The following VPS13A variants were observed in gnomAD, a reference collection of about 807,000 sequenced individuals.
VPS13A encodes vacuolar protein sorting 13 homolog A.
Under a neutral mutation model 390.9 loss-of-function variants are expected in VPS13A, and 264 were observed. That is an observed-to-expected ratio of 0.68 (90% confidence interval 0.61 to 0.75). The LOEUF (loss-of-function observed/expected upper bound fraction) is 0.75. Ranked by LOEUF, VPS13A falls within the 30% of genes least tolerant of loss-of-function variation. The pLI, the probability that VPS13A is intolerant of heterozygous loss-of-function variation, is 0.00. For missense variants in VPS13A, 3,409 were observed against 3,733.9 expected (o/e 0.91, Z 2.27); for synonymous variants, 1,231 against 1,227.1 (o/e 1.00, Z -0.07).
intron 25 of VPS13A, 30 bp downstream of exon 25, chr9:77,275,682 T>TA (rs747792582): frequency 6.2e-7 from 1 of 1,603,936 alleles, no homozygotes; most frequent in South Asian, 1.1e-5. Context: ...TAACATGGCT[T>TA]AATTTGTTTG....
intron 46 of VPS13A, among the ~76,000 whole-genome samples, chr9:77,336,269 C>G (rs1830532491): frequency 6.6e-6 from 1 of 152,002 alleles, no homozygotes; most frequent in Non-Finnish European, 1.5e-5. Context: ...CGATTGATGG[C>G]TGCAGCAAAC....
At chr9:77,227,591 C>T in intron 16 of VPS13A, 106 bp downstream of exon 16, 1 of 866,954 alleles carries the variant, frequency 1.2e-6, no homozygotes, top group South Asian at 1.6e-5. Flanking sequence ...GGTGTGATCT[C>T]TGCTGCCAGC....
At chr9:77,202,637 C>T (rs755752137) in intron 3 of VPS13A, among the ~76,000 whole-genome samples, 3 of 152,056 alleles carry the variant, frequency 2.0e-5, no homozygotes, top group Non-Finnish European at 2.9e-5. Context: ...TGATGATTGT[C>T]GTATTTCAGT....
intron 1 of VPS13A, among the ~76,000 whole-genome samples, chr9:77,190,614 C>T (rs1281777482): frequency 6.6e-6 from 1 of 152,142 alleles, no homozygotes; most frequent in Non-Finnish European, 1.5e-5. Context: ...AGGGAGGAGT[C>T]CCTCCTTCTC....
intron 39 of VPS13A, among the ~76,000 whole-genome samples, chr9:77,316,906 C>T (rs184006389): frequency 6.6e-6 from 1 of 152,120 alleles, no homozygotes; most frequent in Admixed American, 6.6e-5. Flanking sequence ...TCTTGGCCTT[C>T]CTCCTCTTCA....
chr9:77,267,536 G>C (rs1826105162), intron 23 of VPS13A, among the ~76,000 whole-genome samples: 1 of 152,182 alleles, frequency 6.6e-6, no homozygotes, highest in Non-Finnish European at 1.5e-5. Context: ...CCTTCCTCTG[G>C]AAGCTTCGTC....
intron 10 of VPS13A, among the ~76,000 whole-genome samples, chr9:77,217,153 T>C (rs976827806): frequency 2.6e-5 from 4 of 152,082 alleles, no homozygotes; most frequent in African/African-American, 9.7e-5. Flanking sequence ...GGGTATGAAA[T>C]AGGAATGCTA....
In VPS13A at chr9:77,403,333, T is replaced by G. The variant is rs1834468125; in HGVS notation, c.9275+12T>G. The G allele has an allele frequency of 5.6e-6, 9 of 1,602,888 alleles. No homozygotes were observed. Among genetic ancestry groups the G allele is most frequent in the South Asian group, 5.5e-5 (5 of 90,912 alleles). Reference sequence around the variant, plus strand: ...ATGATAACCAGACGGTAACTTGCTTTCTTTCTCTTACGTAATTTTATAAGG... The same window carrying G: ...ATGATAACCAGACGGTAACTTGCTTGCTTTCTCTTACGTAATTTTATAAGG... On this transcript the variant is annotated intron_variant, in intron 69 of 71. Transcript: ENST00000360280.
chr9:77,292,208 C>T (rs1411971118), intron 31 of VPS13A, among the ~76,000 whole-genome samples: 1 of 152,126 alleles, frequency 6.6e-6, no homozygotes, highest in African/African-American at 2.4e-5. Context: ...CTCAAGAGCT[C>T]CTCACGTGTG....
At chr9:77,239,871 T>G (rs1007929386) in intron 19 of VPS13A, among the ~76,000 whole-genome samples, 1 of 151,906 alleles carries the variant, frequency 6.6e-6, no homozygotes, top group African/African-American at 2.4e-5. Flanking sequence ...CTCTATCTCT[T>G]TTTATTTTAT....
chr9:77,259,982 A>T, intron 22 of VPS13A, 104 bp from the exon 23 acceptor site: 1 of 853,838 alleles, frequency 1.2e-6, no homozygotes. Flanking sequence ...TTTAGTGTTT[A>T]AAATCACATT....
At chr9:77,361,027 A>C (rs1321063293) in intron 59 of VPS13A, among the ~76,000 whole-genome samples, 1 of 152,158 alleles carries the variant, frequency 6.6e-6, no homozygotes, top group Non-Finnish European at 1.5e-5. Flanking sequence ...CTGGAAGACC[A>C]TAAAATCATA....
rs2131259559 is a variant in VPS13A at position 77,247,261 on chromosome 9, C to T, written c.1903C>T (p.Leu635=). The T allele has an allele frequency of 1.3e-6, 2 of 1,583,030 alleles. No individual in the cohort carries two copies. The highest frequency in any genetic ancestry group is 8.6e-7 in the Non-Finnish European group (1 of 1,160,606). Residue 635 remains leucine, a splice_region_variant and synonymous_variant, in exon 20 of 72, where the codon CTA becomes TTA. Coordinates refer to ENST00000360280, the MANE Select transcript of VPS13A (RefSeq NM_033305.3). ...EEFRSKTATG[L]LYIIETQKVL... ...AGAAAAGATTTACATTTTTCCAGGTCTACTGTATATTATTGAAACACAGAA... is the reference window on the plus strand; with the variant it reads ...AGAAAAGATTTACATTTTTCCAGGTTTACTGTATATTATTGAAACACAGAA...
chr9:77,350,205 C>G (rs1464191734), intron 52 of VPS13A, among the ~76,000 whole-genome samples: 2 of 152,104 alleles, frequency 1.3e-5, no homozygotes, highest in Non-Finnish European at 2.9e-5. Context: ...CAACCTCTTT[C>G]CAAATTCTTA....
At chr9:77,194,045 C>A (rs1421169526) in intron 1 of VPS13A, among the ~76,000 whole-genome samples, 1 of 152,110 alleles carries the variant, frequency 6.6e-6, no homozygotes, top group African/African-American at 2.4e-5. Flanking sequence ...TGGGCAACAA[C>A]ACTCTGATGG....
intron 31 of VPS13A, among the ~76,000 whole-genome samples, chr9:77,287,816 C>T (rs1827420657): frequency 6.6e-6 from 1 of 152,130 alleles, no homozygotes; most frequent in Non-Finnish European, 1.5e-5. Context: ...TTTTAGGGCC[C>T]TCAGTAACCT....
At chr9:77,233,067 A>G (rs774885715) in intron 17 of VPS13A, among the ~76,000 whole-genome samples, 8 of 152,156 alleles carry the variant, frequency 5.3e-5, no homozygotes, top group Non-Finnish European at 8.8e-5. Flanking sequence ...AAAGTTTACT[A>G]TAGGTTTTTA....
In VPS13A at chr9:77,213,310, C is replaced by T. The variant is rs1415784281; in HGVS notation, c.692C>T (p.Ser231Phe). Residue 231 changes from serine (S) to phenylalanine (F), a missense_variant, in exon 9 of 72, where the codon TCC (serine) becomes TTC (phenylalanine). By Grantham distance (155) the Ser-to-Phe change is radical. This residue lies in a region of VPS13A where 2,717 missense variants were observed against 2,917.4 expected (regional missense o/e 0.93). Transcript: ENST00000360280. ...TTTTATCTTAGTGATTATGATAACT[C>T]CTTGGTAAGTAAATTTTTTCTGTAT... ...QMFYLSDYDNSLDDLKNGIVN... is the reference protein window; with the variant it reads ...QMFYLSDYDNFLDDLKNGIVN... 1 of 1,611,898 alleles carries T rather than the reference C, an allele frequency of 6.2e-7. No homozygotes were observed. The highest frequency in any genetic ancestry group is 1.3e-5 in the African/African-American group (1 of 74,814).
In VPS13A at chr9:77,392,815, T is replaced by TAAAA. The variant is rs34466446; in HGVS notation, c.9190-10409_9190-10406dup. ...CCTTAATTTAAAAATACATAATTGC[T>TAAAA]AAAAAAAAAAAAAAATCCTGATCAT... On this transcript the variant is annotated intron_variant, in intron 68 of 71. Coordinates refer to ENST00000360280, the MANE Select transcript of VPS13A (RefSeq NM_033305.3). Among the ~76,000 whole-genome samples, 435 of 140,344 alleles carry TAAAA rather than the reference T, an allele frequency of 3.1e-3. 3 individuals are homozygous for TAAAA. The highest frequency in any genetic ancestry group is 0.011 in the African/African-American group (415 of 38,374). 92.1% of individuals were successfully genotyped at this position (140,344 alleles called of 152,430 possible).
Sources: allele counts gnomAD v4.1 joint callset (sites outside exome capture counted in the v4.1 genomes callset), GRCh38; gene constraint gnomAD v4.1.1; regional missense constraint gnomAD v4.1.1; transcripts MANE v1.5; gene names NCBI Gene and HGNC (gene_info 2026-07-23, HGNC 2026-07-21).